The following FGF12 variants were observed in gnomAD, a reference collection of about 807,000 sequenced individuals.
FGF12 encodes the protein fibroblast growth factor 12B.
FGF12 carries 14 observed loss-of-function variants against 23.6 expected under a neutral mutation model. The observed-to-expected ratio is 0.59, with a 90% CI of 0.39 to 0.93. The LOEUF is 0.93. FGF12 is among the 40% of genes least tolerant of loss of function. FGF12 has a pLI of 0.00. For missense variants in FGF12, 175 were observed against 217.8 expected, an observed-to-expected ratio of 0.80 and a Z score of 1.24; for synonymous variants, 62 against 77.3, an observed-to-expected ratio of 0.80 and a Z score of 1.04.
intron 2 of FGF12, among the ~76,000 whole-genome samples, chr3:192,369,468 T>G (rs1719126964): frequency 6.6e-6 from 1 of 152,230 alleles, no homozygotes; most frequent in South Asian, 2.1e-4. Flanking sequence ...AATCTTCATA[T>G]TGTCTCAAAG....
intron 2 of FGF12, among the ~76,000 whole-genome samples, chr3:192,609,724 G>C (rs1011238278): frequency 1.3e-5 from 2 of 152,066 alleles, no homozygotes; most frequent in African/African-American, 4.8e-5. Flanking sequence ...TGAGTGCAAA[G>C]TGTTGTCTTC....
At chr3:192,545,057 TGAGCCATGTCCAAGGGAAGC>T (rs1725462992) in intron 2 of FGF12, among the ~76,000 whole-genome samples, 1 of 152,164 alleles carries the variant, frequency 6.6e-6, no homozygotes, top group South Asian at 2.1e-4. Flanking sequence ...CAAGATCAAC[TGAGCCATGTCCAAGGGAAGC>T]GAGCCCCACA....
At chr3:192,407,896 A>T (rs1300881025) in intron 2 of FGF12, 1 of 1,041,680 alleles carries the variant, frequency 9.6e-7, no homozygotes, top group African/African-American at 1.6e-5. Flanking sequence ...GAAGTCTGGA[A>T]ATGAGAGAAG....
chr3:192,301,067 G>T (rs1715323191), intron 4 of FGF12, among the ~76,000 whole-genome samples: 1 of 152,100 alleles, frequency 6.6e-6, no homozygotes, highest in Non-Finnish European at 1.5e-5. Context: ...GCAAATGCAT[G>T]GGACAAAGAA....
rs1220482259 is a variant in FGF12, at chr3:192,503,686, A to G, written c.14-143148T>C. Among the ~76,000 whole-genome samples the G allele has an allele frequency of 2.0e-5, 3 of 149,216 alleles. No individual in the cohort carries two copies. In the Admixed American group the frequency reaches 2.0e-4, roughly 10 times the overall value. On this transcript the variant is annotated intron_variant, in intron 2 of 5. Coordinates refer to ENST00000445105, the MANE Select transcript of FGF12 (RefSeq NM_004113.6). ...AATGGCGCAATCTCGGCTCACTGCA[A>G]GCTCTGCCTCCCAGGTTCATGCCAT...
chr3:192,343,547 T>A (rs1425041536), intron 3 of FGF12, among the ~76,000 whole-genome samples: 1 of 152,152 alleles, frequency 6.6e-6, no homozygotes, highest in East Asian at 1.9e-4. Context: ...ATTTATAATT[T>A]ACTTAAGTCA....
chr3:192,195,473 A>T (rs1236854762), intron 4 of FGF12, among the ~76,000 whole-genome samples: 1 of 152,200 alleles, frequency 6.6e-6, no homozygotes, highest in East Asian at 1.9e-4. Flanking sequence ...TAGATACAAA[A>T]ACACTTACCG....
chr3:192,276,093 T>C (rs928290884), intron 4 of FGF12, among the ~76,000 whole-genome samples: 1 of 152,210 alleles, frequency 6.6e-6, no homozygotes, highest in Non-Finnish European at 1.5e-5. Context: ...TTAAGAATCA[T>C]CAAACCTTGG....
At chr3:192,147,334 C>A (rs1054964907) in intron 5 of FGF12, among the ~76,000 whole-genome samples, 2 of 152,088 alleles carry the variant, frequency 1.3e-5, no homozygotes, top group African/African-American at 4.8e-5. Flanking sequence ...AATTTAAAGA[C>A]CATAATCCAA....
chr3:192,365,639 G>A (rs1359989554), intron 2 of FGF12, among the ~76,000 whole-genome samples: 1 of 152,020 alleles, frequency 6.6e-6, no homozygotes. Flanking sequence ...AGTAATAAAT[G>A]TTTTCCTCAA....
chr3:192,655,038 G>A (rs1052309311), intron 2 of FGF12, among the ~76,000 whole-genome samples: 1 of 152,152 alleles, frequency 6.6e-6, no homozygotes, highest in Non-Finnish European at 1.5e-5. Context: ...AATTTTAGGA[G>A]TAATAACTCA....
chr3:192,406,800 C>T (rs1390101621), intron 2 of FGF12, among the ~76,000 whole-genome samples: 2 of 152,246 alleles, frequency 1.3e-5, no homozygotes, highest in South Asian at 2.1e-4. Flanking sequence ...ATTCTGAGCC[C>T]GACTTGTCCA....
intron 2 of FGF12, among the ~76,000 whole-genome samples, chr3:192,571,192 CT>C (rs1712618527): frequency 6.6e-6 from 1 of 152,210 alleles, no homozygotes; most frequent in Non-Finnish European, 1.5e-5. Flanking sequence ...AATGTGAAAC[CT>C]TTTCTCCTGG....
intron 2 of FGF12, among the ~76,000 whole-genome samples, chr3:192,478,100 A>C (rs918341658): frequency 2.6e-5 from 4 of 152,166 alleles, no homozygotes; most frequent in African/African-American, 4.8e-5. Context: ...ATCTCATTGC[A>C]TTTTAGCTCT....
intron 2 of FGF12, among the ~76,000 whole-genome samples, chr3:192,621,079 C>G (rs929587989): frequency 6.6e-6 from 1 of 152,166 alleles, no homozygotes; most frequent in African/African-American, 2.4e-5. Context: ...CTTACATTCT[C>G]TTCAAGCAAT....
intron 4 of FGF12, among the ~76,000 whole-genome samples, chr3:192,323,593 T>C (rs1007134655): frequency 1.2e-4 from 18 of 152,298 alleles, no homozygotes; most frequent in African/African-American, 3.4e-4. Flanking sequence ...GGTTGGTTGA[T>C]GGGTACAAAC....
chr3:192,430,621 C>T (rs925750349), intron 2 of FGF12, among the ~76,000 whole-genome samples: 4 of 152,182 alleles, frequency 2.6e-5, no homozygotes, highest in Non-Finnish European at 5.9e-5. Context: ...ATAGTTACCA[C>T]ACAATGTACA....
intron 2 of FGF12, among the ~76,000 whole-genome samples, chr3:192,543,327 T>C (rs1326309941): frequency 6.6e-6 from 1 of 152,064 alleles, no homozygotes; most frequent in Non-Finnish European, 1.5e-5. Context: ...CTACCACTGA[T>C]GTTCACTCAA....
chr3:192,412,331 C>G (rs956015319), intron 2 of FGF12, among the ~76,000 whole-genome samples: 4 of 152,102 alleles, frequency 2.6e-5, no homozygotes, highest in African/African-American at 4.8e-5. Context: ...TACAGAGGCA[C>G]AGGAGAGAAG....
Sources: gnomAD v4.1 joint callset for allele counts (sites outside exome capture counted in the v4.1 genomes callset) on GRCh38, gnomAD v4.1.1 for gene constraint, MANE v1.5 for transcripts, NCBI Gene and HGNC (gene_info 2026-07-23, HGNC 2026-07-21) for gene names.